Variants in ZNF566 observed in about 807,000 individuals in gnomAD.
ZNF566 encodes zinc finger protein 566.
Under a neutral mutation model 32.8 loss-of-function variants are expected in ZNF566, and 27 were observed. The observed-to-expected ratio is 0.82, with a 90% CI of 0.61 to 1.14. The LOEUF (loss-of-function observed/expected upper bound fraction) is 1.14, where lower values mean the gene tolerates loss of function less well. Ranked by LOEUF, ZNF566 falls within the 50% of genes most tolerant of loss-of-function variation. The pLI, the probability that ZNF566 is intolerant of heterozygous loss-of-function variation, is 0.00. For synonymous variants in ZNF566, 154 were observed against 159.5 expected (o/e 0.97, Z 0.26); for missense variants, 402 against 490.4 (o/e 0.82, Z 1.70).
chr19:36,485,317 C>CT (rs1247483542), intron 1 of ZNF566, among the ~76,000 whole-genome samples: 2 of 150,848 alleles, frequency 1.3e-5, no homozygotes, highest in African/African-American at 4.9e-5. Flanking sequence ...TGGTGTGCAC[C>CT]TGTAGTCCCA....
intron 4 of ZNF566, among the ~76,000 whole-genome samples, chr19:36,466,290 T>C (rs1232888155): frequency 6.6e-6 from 1 of 151,950 alleles, no homozygotes; most frequent in African/African-American, 2.4e-5. Context: ...TGTACAGCTG[T>C]CCCTCTGTAC....
At chr19:36,474,945 C>A (rs1050093184) in intron 2 of ZNF566, among the ~76,000 whole-genome samples, 1 of 152,294 alleles carries the variant, frequency 6.6e-6, no homozygotes, top group African/African-American at 2.4e-5. Flanking sequence ...TTGGCCCAAT[C>A]TTATTTATAA....
At chr19:36,468,570 C>A (rs552006631) in intron 4 of ZNF566, among the ~76,000 whole-genome samples, 4 of 151,768 alleles carry the variant, frequency 2.6e-5, no homozygotes, top group African/African-American at 7.3e-5. Flanking sequence ...CACGCCATTT[C>A]ACTCCAGCCT....
chr19:36,455,955 C>T (rs1003641506), intron 4 of ZNF566, among the ~76,000 whole-genome samples: 3 of 151,510 alleles, frequency 2.0e-5, no homozygotes, highest in East Asian at 2.0e-4. Context: ...AGGAGAATGG[C>T]GTGAACCCGG....
At chr19:36,462,746 T>C (rs1375058312) in intron 4 of ZNF566, among the ~76,000 whole-genome samples, 1 of 151,218 alleles carries the variant, frequency 6.6e-6, no homozygotes, top group Non-Finnish European at 1.5e-5. Context: ...GTGTTAAGAA[T>C]CCCATTTCCT....
At chr19:36,453,311 A>G (rs1239034617) in intron 4 of ZNF566, among the ~76,000 whole-genome samples, 1 of 151,468 alleles carries the variant, frequency 6.6e-6, no homozygotes, top group East Asian at 1.9e-4. Flanking sequence ...TGTCTCTACT[A>G]AAAATACAAA....
At chr19:36,476,680 T>A in intron 1 of ZNF566, 64 bp from the exon 2 acceptor site, 3 of 1,339,008 alleles carry the variant, frequency 2.2e-6, no homozygotes, top group Non-Finnish European at 3.1e-6. Context: ...CCCAGAATGA[T>A]CATTTTCCTT....
chr19:36,447,591 T>G lies in ZNF566; in HGVS notation c.*1386A>C, dbSNP rs2033026898. 6.6e-6 allele frequency: 1 copy of G among 152,210 alleles called. No homozygotes were observed. The highest frequency in any genetic ancestry group is 6.5e-5 in the Admixed American group (1 of 15,278). 9.4% of individuals were successfully genotyped at this position (152,210 alleles called of 1,614,324 possible). A position where few individuals can be genotyped will look rare whatever the true frequency, so the allele number is the denominator to read the frequency against. On this transcript the variant is annotated 3_prime_UTR_variant, in exon 5 of 5. Coordinates refer to ENST00000452939, the MANE Select transcript of ZNF566 (RefSeq NM_001145344.1). Reference sequence around the variant, plus strand: ...ATCTGTAACTATGTTTCTATCTCTGTCCATTTTTTAAATATGATGCTGTTT... The same window carrying G: ...ATCTGTAACTATGTTTCTATCTCTGGCCATTTTTTAAATATGATGCTGTTT...
At chr19:36,470,753 T>C (rs2033741688) in intron 4 of ZNF566, among the ~76,000 whole-genome samples, 1 of 151,024 alleles carries the variant, frequency 6.6e-6, no homozygotes. Context: ...TCTACTAAAA[T>C]ACAAAAATTA....
At chr19:36,488,968 T>G in intron 1 of ZNF566, among the ~76,000 whole-genome samples, 1 of 152,040 alleles carries the variant, frequency 6.6e-6, no homozygotes, top group Non-Finnish European at 1.5e-5. Context: ...AGGGCCTCTA[T>G]CGGTCACATA....
At chr19:36,487,347 G>A (rs1766928416) in intron 1 of ZNF566, among the ~76,000 whole-genome samples, 1 of 151,958 alleles carries the variant, frequency 6.6e-6, no homozygotes, top group African/African-American at 2.4e-5. Context: ...TATTAACCCG[G>A]GAGAAAAGCC....
intron 1 of ZNF566, among the ~76,000 whole-genome samples, chr19:36,477,980 A>G (rs935743766): frequency 1.2e-4 from 18 of 152,200 alleles, no homozygotes; most frequent in Admixed American, 3.9e-4. Context: ...CTTATTAGCT[A>G]CAAGAACTTA....
intron 1 of ZNF566, among the ~76,000 whole-genome samples, chr19:36,482,096 A>C (rs6510549): frequency 0.18 from 27,904 of 152,114 alleles, 2,778 homozygotes; most frequent in Non-Finnish European, 0.23. Context: ...GAACTAAGTT[A>C]ATTTTTATTT....
At position 36,459,758 on chromosome 19, in the gene ZNF566, G is replaced by A. The variant is rs561707884; in HGVS notation, c.233-9757C>T. Among the ~76,000 whole-genome samples the A allele has an allele frequency of 8.9e-5, 13 of 145,982 alleles. No homozygotes were observed. The South Asian group carries it at 1.6e-3, about 17-fold the overall frequency. On this transcript the variant is annotated intron_variant, in intron 4 of 4. Coordinates refer to ENST00000452939, the MANE Select transcript of ZNF566 (RefSeq NM_001145344.1). ...AACCCCAACCTCAGGTGATCCACCC[G>A]CCTCGGCCTCCCAAAGTGCTGGGAT... is the stretch of plus-strand genomic sequence containing the variant.
chr19:36,472,786 T>C (rs1256246638), intron 4 of ZNF566, 125 bp downstream of exon 4: 2 of 693,912 alleles, frequency 2.9e-6, no homozygotes, highest in East Asian at 2.6e-5. Context: ...TGAAAGCTCA[T>C]GTAGAAAAGG....
At chr19:36,484,665 C>T (rs563471790) in intron 1 of ZNF566, among the ~76,000 whole-genome samples, 26 of 146,660 alleles carry the variant, frequency 1.8e-4, no homozygotes, top group Non-Finnish European at 3.3e-4. Context: ...TCTCAGCTCA[C>T]TGCAAACTCC....
Position 36,447,487 on chromosome 19 carries a change from T to C in ZNF566, c.*1490A>G, listed in dbSNP as rs1378600007. ...AATTTTCTTGGAGTCAATATTGATG[T>C]ATATTTTCCTTAAAAACCATTTTGT... On this transcript the variant is annotated 3_prime_UTR_variant, in exon 5 of 5. Transcript: ENST00000452939. The C allele has an allele frequency of 6.6e-6, 1 of 152,216 alleles. No individual in the cohort carries two copies. Among genetic ancestry groups the C allele is most frequent in the Non-Finnish European group, 1.5e-5 (1 of 68,032 alleles). The allele number at this position is 152,216 out of a possible 1,614,324, so 9.4% of individuals were successfully genotyped here.
chr19:36,462,255 T>C (rs984254312), intron 4 of ZNF566, among the ~76,000 whole-genome samples: 1 of 152,180 alleles, frequency 6.6e-6, no homozygotes, highest in African/African-American at 2.4e-5. Context: ...CCCAAAGTGC[T>C]GGGATTACAG....
In ZNF566 at chr19:36,481,236, C is replaced by T. The variant is rs574415522; in HGVS notation, c.-59-4620G>A. On this transcript the variant is annotated intron_variant, in intron 1 of 4. Coordinates refer to ENST00000452939, the MANE Select transcript of ZNF566 (RefSeq NM_001145344.1). ...CTGTAATCTCAGCACTTTGGGAGGC[C>T]GAGTCTGGTGGATCACCTGAGGTCA... 2.0e-5 allele frequency among the ~76,000 whole-genome samples: 3 copies of T among 152,074 alleles called. No individual in the cohort carries two copies. The East Asian group carries it at 5.8e-4, about 30-fold the overall frequency.
Sources: allele counts gnomAD v4.1 joint callset (sites outside exome capture counted in the v4.1 genomes callset), GRCh38; gene constraint gnomAD v4.1.1; transcripts MANE v1.5; gene names NCBI Gene and HGNC (gene_info 2026-07-23, HGNC 2026-07-21).